The following PITPNC1 variants were observed in gnomAD, a reference collection of about 807,000 sequenced individuals.
The protein encoded by PITPNC1 is phosphatidylinositol transfer protein cytoplasmic 1.
PITPNC1 carries 18 observed loss-of-function variants against 44.7 expected under a neutral mutation model. The ratio of observed to expected loss-of-function variants is 0.40; its 90% CI spans 0.28 to 0.60. The LOEUF is 0.60. PITPNC1 is among the 20% of genes least tolerant of loss of function. The pLI is 0.39. For synonymous variants in PITPNC1, 141 were observed against 149.6 expected, an observed-to-expected ratio of 0.94 and a Z score of 0.42; for missense variants, 290 against 418.4, an observed-to-expected ratio of 0.69 and a Z score of 2.68.
At chr17:67,386,596 G>C (rs901641344) in intron 1 of PITPNC1, among the ~76,000 whole-genome samples, 1 of 152,164 alleles carries the variant, frequency 6.6e-6, no homozygotes, top group African/African-American at 2.4e-5. Context: ...CAACGTTTTG[G>C]GTTTTTAAAA....
intron 5 of PITPNC1, among the ~76,000 whole-genome samples, chr17:67,601,321 G>A (rs1289967860): frequency 2.6e-5 from 4 of 152,152 alleles, no homozygotes; most frequent in Non-Finnish European, 5.9e-5. Context: ...AATGAAAGGA[G>A]AGATTCTAAA....
rs796111267 is a variant in PITPNC1 at position 67,655,558 on chromosome 17, C to CAAAAA, written c.463-13930_463-13926dup. On this transcript the variant is annotated intron_variant, in intron 6 of 8. Transcript: ENST00000581322. ...CTGGACAACAGAGAGAGACTCATCT[C>CAAAAA]AAAAAAAAAAAAAAAAAAAAAAAAG... 1.9e-3 allele frequency among the ~76,000 whole-genome samples: 80 copies of CAAAAA among 42,060 alleles called. 3 individuals carry two copies. Among genetic ancestry groups the CAAAAA allele is most frequent in the African/African-American group, 4.7e-3 (60 of 12,846 alleles). 27.6% of individuals were successfully genotyped at this position (42,060 alleles called of 152,430 possible).
chr17:67,610,079 G>A (rs918150921), intron 5 of PITPNC1, among the ~76,000 whole-genome samples: 71 of 152,124 alleles, frequency 4.7e-4, no homozygotes, highest in African/African-American at 1.9e-4. Context: ...TTCCTCTGTC[G>A]TTCCGCTATT....
At chr17:67,481,835 C>A (rs1425728989) in intron 1 of PITPNC1, among the ~76,000 whole-genome samples, 1 of 151,138 alleles carries the variant, frequency 6.6e-6, no homozygotes, top group Non-Finnish European at 1.5e-5. Flanking sequence ...GATTTACAGT[C>A]TGATTGAGAA....
Position 67,661,994 on chromosome 17 carries a change from C to CATAATAATAATAATAATAATAATA in PITPNC1, c.463-7496_463-7495insATAATAATAATAATAATAATAATA, listed in dbSNP as rs59557224. 4.7e-3 allele frequency among the ~76,000 whole-genome samples: 708 copies of CATAATAATAATAATAATAATAATA among 150,942 alleles called. 2 individuals are homozygous for CATAATAATAATAATAATAATAATA. The highest frequency in any genetic ancestry group is 0.016 in the African/African-American group (667 of 40,840). The stretch of plus-strand genomic sequence containing the variant: ...TAGGCAACAAAGTGCGACTCCATCT[C>CATAATAATAATAATAATAATAATA]ATAATAATAATAATAATAGTAATAT... On this transcript the variant is annotated intron_variant, in intron 6 of 8. Coordinates refer to ENST00000581322, the MANE Select transcript of PITPNC1 (RefSeq NM_012417.4).
intron 8 of PITPNC1, among the ~76,000 whole-genome samples, chr17:67,678,795 G>A (rs1242838231): frequency 6.6e-6 from 1 of 152,238 alleles, no homozygotes; most frequent in Non-Finnish European, 1.5e-5. Flanking sequence ...CCATTTTGGG[G>A]TACCTGAAGT....
intron 1 of PITPNC1, among the ~76,000 whole-genome samples, chr17:67,403,481 A>G (rs1203954776): frequency 6.6e-6 from 1 of 152,242 alleles, no homozygotes; most frequent in Non-Finnish European, 1.5e-5. Context: ...ACATTTAATC[A>G]TAATTATATA....
chr17:67,397,617 C>G (rs1485237971), intron 1 of PITPNC1, among the ~76,000 whole-genome samples: 1 of 152,170 alleles, frequency 6.6e-6, no homozygotes, highest in African/African-American at 2.4e-5. Flanking sequence ...CTGAACATCT[C>G]TCTAAATCAT....
rs2042978662 is a variant in PITPNC1 at position 67,694,510 on chromosome 17, C to G, written c.*1622C>G. The G allele has an allele frequency of 6.6e-6, 1 of 152,218 alleles. No homozygotes were observed. Among genetic ancestry groups the G allele is most frequent in the Admixed American group, 6.5e-5 (1 of 15,274 alleles). The allele number at this position is 152,218 out of a possible 1,614,324, so 9.4% of individuals were successfully genotyped here. ...CTGTGTAGTGTCTTTCAGGTTGATA[C>G]ACTCTCCCAAGGTGCAGGCGCTGGC... On this transcript the variant is annotated 3_prime_UTR_variant, in exon 9 of 9. Coordinates refer to ENST00000581322, the MANE Select transcript of PITPNC1 (RefSeq NM_012417.4).
At chr17:67,578,534 G>T (rs1444460568) in intron 5 of PITPNC1, among the ~76,000 whole-genome samples, 1 of 152,248 alleles carries the variant, frequency 6.6e-6, no homozygotes, top group East Asian at 1.9e-4. Flanking sequence ...TGGAGAGGAT[G>T]ACAGGGCACT....
At chr17:67,514,449 C>CCTCG (rs1241564662) in intron 1 of PITPNC1, among the ~76,000 whole-genome samples, 1 of 150,292 alleles carries the variant, frequency 6.7e-6, no homozygotes, top group East Asian at 2.0e-4. Flanking sequence ...GATCCGCCTG[C>CCTCG]CTCGGCCTCC....
intron 5 of PITPNC1, among the ~76,000 whole-genome samples, chr17:67,595,826 T>C (rs746324682): frequency 2.6e-5 from 4 of 152,238 alleles, no homozygotes; most frequent in Non-Finnish European, 4.4e-5. Context: ...TTCATGGAGC[T>C]TCATCTGAAA....
At chr17:67,491,225 C>T (rs2039860616) in intron 1 of PITPNC1, among the ~76,000 whole-genome samples, 1 of 152,258 alleles carries the variant, frequency 6.6e-6, no homozygotes. Context: ...ACGCAGCCGG[C>T]CACTGCAGCT....
intron 5 of PITPNC1, among the ~76,000 whole-genome samples, chr17:67,599,054 T>TTTTTTA (rs1172138784): frequency 9.8e-6 from 1 of 102,420 alleles, no homozygotes; most frequent in African/African-American, 3.2e-5. Flanking sequence ...TTTTTTTTTT[T>TTTTTTA]ACCATGTTGG....
intron 1 of PITPNC1, among the ~76,000 whole-genome samples, chr17:67,445,956 G>A (rs567610763): frequency 1.3e-5 from 2 of 150,946 alleles, no homozygotes; most frequent in African/African-American, 4.9e-5. Context: ...ATTTTTTTTG[G>A]TTTTTTTTGA....
chr17:67,625,017 T>G (rs767224740), intron 5 of PITPNC1, among the ~76,000 whole-genome samples: 16 of 152,184 alleles, frequency 1.1e-4, no homozygotes, highest in Non-Finnish European at 2.1e-4. Flanking sequence ...ATTTCTAGGT[T>G]CATATTTAAA....
Position 67,692,915 on chromosome 17 carries a change from T to C in PITPNC1, c.*27T>C. The C allele has an allele frequency of 2.2e-6, 3 of 1,353,386 alleles. No individual in the cohort carries two copies. Among genetic ancestry groups the C allele is most frequent in the Non-Finnish European group, 3.1e-6 (3 of 970,592 alleles). The allele number at this position is 1,353,386 out of a possible 1,614,324, so 83.8% of individuals were successfully genotyped here. On this transcript the variant is annotated 3_prime_UTR_variant, in exon 9 of 9. Transcript: ENST00000581322. ...TTTATATAAATATCTCATGGGGTTT[T>C]ATATTTTCATTTGTTGTTGTTGTTT... is the stretch of plus-strand genomic sequence containing the variant.
At position 67,508,432 on chromosome 17, in the gene PITPNC1, G is replaced by T. The variant is rs540647684; in HGVS notation, c.49-24370G>T. ...GTTGCCATGGCATTTGTAAACTGTC[G>T]TGGCTCTGGTGGGAGTGTAGCAGTG... is the stretch of plus-strand genomic sequence containing the variant. On this transcript the variant is annotated intron_variant, in intron 1 of 8. Coordinates refer to ENST00000581322, the MANE Select transcript of PITPNC1 (RefSeq NM_012417.4). The surrounding 1 kb of genome is among the most constrained non-coding windows in gnomAD (Gnocchi z 4.2). Among the ~76,000 whole-genome samples, 1 of 152,158 alleles carries T rather than the reference G, an allele frequency of 6.6e-6. No homozygotes were observed. The highest frequency in any genetic ancestry group is 2.4e-5 in the African/African-American group (1 of 41,430).
intron 6 of PITPNC1, among the ~76,000 whole-genome samples, chr17:67,653,279 A>G (rs551943289): frequency 6.6e-6 from 1 of 152,112 alleles, no homozygotes; most frequent in Admixed American, 6.6e-5. Flanking sequence ...TAAAAGAAAA[A>G]AAAGGTTGGG....
Sources: allele counts gnomAD v4.1 joint callset (sites outside exome capture counted in the v4.1 genomes callset), GRCh38; gene constraint gnomAD v4.1.1; non-coding constraint Gnocchi (gnomAD v3.1); transcripts MANE v1.5; gene names NCBI Gene and HGNC (gene_info 2026-07-23, HGNC 2026-07-21).